Variants in EPHA3 observed in about 807,000 individuals in gnomAD.
The protein encoded by EPHA3 is EPH receptor A3, also known as ephrin type-A receptor 3.
Under a neutral mutation model 107.1 loss-of-function variants are expected in EPHA3, and 42 were observed. The observed-to-expected ratio is 0.39, with a 90% CI of 0.31 to 0.51. EPHA3 has a LOEUF of 0.51. EPHA3 is among the 20% of genes least tolerant of loss of function. EPHA3 has a pLI of 0.78. For synonymous variants in EPHA3, 461 were observed against 424.8 expected, an observed-to-expected ratio of 1.09 and a Z score of -1.05; for missense variants, 1,183 against 1,211.2, an observed-to-expected ratio of 0.98 and a Z score of 0.35.
Position 89,399,837 on chromosome 3 carries a change from C to G in EPHA3, c.1594+357C>G. The G allele has an allele frequency of 2.8e-6, 3 of 1,088,770 alleles. No individual in the cohort carries two copies. In the African/African-American group the frequency reaches 4.9e-5, roughly 18 times the overall value. 67.4% of individuals were successfully genotyped at this position (1,088,770 alleles called of 1,614,324 possible). On this transcript the variant is annotated intron_variant, in intron 7 of 16. Transcript: ENST00000336596. ...CAGGTTCATTGCGTGATTCAATGAA[C>G]CACAAAAAAGAAACTTGCTGATCCA...
intron 3 of EPHA3, among the ~76,000 whole-genome samples, chr3:89,289,062 G>A (rs1020828652): frequency 1.7e-4 from 26 of 152,132 alleles, no homozygotes; most frequent in East Asian, 3.9e-4. Context: ...CCAGGTAGTC[G>A]TCAGAAGAAC....
chr3:89,459,777 C>T (rs1221212185), intron 15 of EPHA3, among the ~76,000 whole-genome samples: 1 of 152,104 alleles, frequency 6.6e-6, no homozygotes, highest in African/African-American at 2.4e-5. Context: ...CTTGCCTTGG[C>T]CTTTCAAATT....
chr3:89,290,948 T>C (rs1042712064), intron 3 of EPHA3, among the ~76,000 whole-genome samples: 3 of 152,168 alleles, frequency 2.0e-5, no homozygotes, highest in Admixed American at 1.3e-4. Flanking sequence ...GAACAATGAA[T>C]ACCAAGGGTA....
At position 89,219,430 on chromosome 3, in the gene EPHA3, TG is replaced by T. The variant is rs540706327; in HGVS notation, c.814+8913del. On this transcript the variant is annotated intron_variant, in intron 3 of 16. Transcript: ENST00000336596. The stretch of plus-strand genomic sequence containing the variant: ...TGCCTGCCTTGGCCTCCCAAAGTGC[TG>T]GGATTACAGGCATGAGCCTCCGTGC... 1.5e-3 allele frequency among the ~76,000 whole-genome samples: 229 copies of T among 152,212 alleles called. 1 individual carries two copies. Among genetic ancestry groups the T allele is most frequent in the African/African-American group, 5.3e-3 (221 of 41,538 alleles).
chr3:89,187,243 A>C lies in EPHA3; in HGVS notation c.154-22617A>C, dbSNP rs373766567. Among the ~76,000 whole-genome samples the C allele has an allele frequency of 3.3e-5, 5 of 150,218 alleles. No individual in the cohort carries two copies. In the South Asian group the frequency reaches 6.3e-4, roughly 19 times the overall value. Reference sequence around the variant, plus strand: ...AACATATTTATAATATGCTTAATGTATATTAATAAGTAATTAATATTTATT... The same window carrying C: ...AACATATTTATAATATGCTTAATGTCTATTAATAAGTAATTAATATTTATT... On this transcript the variant is annotated intron_variant, in intron 2 of 16. Transcript: ENST00000336596.
intron 3 of EPHA3, among the ~76,000 whole-genome samples, chr3:89,212,253 T>C (rs1482754830): frequency 6.6e-6 from 1 of 152,042 alleles, no homozygotes; most frequent in African/African-American, 2.4e-5. Flanking sequence ...TAATTTACCA[T>C]GTATATAACT....
At chr3:89,229,231 A>G (rs1482932455) in intron 3 of EPHA3, among the ~76,000 whole-genome samples, 1 of 152,004 alleles carries the variant, frequency 6.6e-6, no homozygotes, top group Non-Finnish European at 1.5e-5. Flanking sequence ...TTGAAGAAAG[A>G]CTTACTAAAA....
chr3:89,355,390 G>T (rs1707923131), intron 5 of EPHA3, among the ~76,000 whole-genome samples: 1 of 151,108 alleles, frequency 6.6e-6, no homozygotes, highest in Non-Finnish European at 1.5e-5. Flanking sequence ...ATGTACTTAA[G>T]AAAAAATAAT....
intron 2 of EPHA3, among the ~76,000 whole-genome samples, chr3:89,128,863 G>T (rs184390209): frequency 1.9e-4 from 29 of 151,970 alleles, no homozygotes; most frequent in African/African-American, 5.8e-4. Context: ...ATTGGGAATT[G>T]GGGGAAATGA....
rs1160252370 is a variant in EPHA3 at position 89,351,578 on chromosome 3, T to G, written c.1306+9488T>G. Among the ~76,000 whole-genome samples, 26 of 151,172 alleles carry G rather than the reference T, an allele frequency of 1.7e-4. 1 individual carries two copies. Among genetic ancestry groups the G allele is most frequent in the Non-Finnish European group, 3.3e-4 (22 of 67,506 alleles). On this transcript the variant is annotated intron_variant, in intron 5 of 16. Coordinates refer to ENST00000336596, the MANE Select transcript of EPHA3 (RefSeq NM_005233.6). ...GGAAATGCAGAAATCACCCGTCTTCTGCGTCGCTCACGCTGGGAGCTGTAG... is the reference window on the plus strand; with the variant it reads ...GGAAATGCAGAAATCACCCGTCTTCGGCGTCGCTCACGCTGGGAGCTGTAG...
chr3:89,266,578 T>C (rs1439734589), intron 3 of EPHA3, among the ~76,000 whole-genome samples: 1 of 152,116 alleles, frequency 6.6e-6, no homozygotes, highest in African/African-American at 2.4e-5. Flanking sequence ...AAATTAACTC[T>C]CAATTTTTCT....
chr3:89,316,383 C>T (rs948430484), intron 3 of EPHA3, among the ~76,000 whole-genome samples: 3 of 150,992 alleles, frequency 2.0e-5, no homozygotes, highest in South Asian at 2.1e-4. Flanking sequence ...GGCATCACTG[C>T]GCATTAGTTT....
chr3:89,476,979 T>C (rs142143510), intron 16 of EPHA3, among the ~76,000 whole-genome samples: 1 of 152,136 alleles, frequency 6.6e-6, no homozygotes, highest in African/African-American at 2.4e-5. Flanking sequence ...TGGAAGAAGA[T>C]GAAAGAAAAA....
At chr3:89,211,731 CTTCTTCTTCTCCTTCTTCT>C (rs1559602879) in intron 3 of EPHA3, among the ~76,000 whole-genome samples, 6 of 10,322 alleles carry the variant, frequency 5.8e-4, no homozygotes, top group East Asian at 2.0e-3. Context: ...TCTTTTTCTT[CTTCTTCTTCTCCTTCTTCT>C]TCTTCTTCTT....
intron 3 of EPHA3, among the ~76,000 whole-genome samples, chr3:89,334,293 T>G (rs1707350130): frequency 6.6e-6 from 1 of 152,228 alleles, no homozygotes; most frequent in Non-Finnish European, 1.5e-5. Context: ...CATCATTTCT[T>G]TTTCAAGTAT....
At chr3:89,310,883 T>G (rs1456776655) in intron 3 of EPHA3, among the ~76,000 whole-genome samples, 1 of 151,992 alleles carries the variant, frequency 6.6e-6, no homozygotes, top group African/African-American at 2.4e-5. Context: ...TCTGAAGCTG[T>G]CTTAGCCTGT....
chr3:89,298,537 T>C (rs1366849219), intron 3 of EPHA3, among the ~76,000 whole-genome samples: 1 of 152,204 alleles, frequency 6.6e-6, no homozygotes, highest in East Asian at 1.9e-4. Flanking sequence ...ATGGAGTTTT[T>C]ATTTCATTTT....
chr3:89,109,863 T>C (rs1707058788), intron 1 of EPHA3, among the ~76,000 whole-genome samples: 1 of 152,030 alleles, frequency 6.6e-6, no homozygotes, highest in African/African-American at 2.4e-5. Flanking sequence ...TTGTGTCCTA[T>C]GGGTAGTGTC....
intron 5 of EPHA3, among the ~76,000 whole-genome samples, chr3:89,384,320 A>G (rs1708570924): frequency 6.6e-6 from 1 of 152,114 alleles, no homozygotes; most frequent in African/African-American, 2.4e-5. Context: ...ATCAAAGTTA[A>G]TGTTCTTACC....
Sources: gnomAD v4.1 joint callset for allele counts (sites outside exome capture counted in the v4.1 genomes callset) on GRCh38, gnomAD v4.1.1 for gene constraint, MANE v1.5 for transcripts, NCBI Gene and HGNC (gene_info 2026-07-23, HGNC 2026-07-21) for gene names.